Variants in BAIAP3 observed in about 807,000 individuals in gnomAD.
BAIAP3 encodes the protein BAI1-associated protein 3.
In BAIAP3, 180 loss-of-function variants were observed where a neutral mutation model predicts 149.7. The observed-to-expected ratio is 1.20, with a 90% CI of 1.07 to 1.36. The LOEUF (loss-of-function observed/expected upper bound fraction) is 1.36, where lower values mean the gene tolerates loss of function less well. BAIAP3 is among the 40% of genes most tolerant of loss of function. BAIAP3 has a pLI of 0.00. For synonymous variants in BAIAP3, 845 were observed against 670.7 expected, an observed-to-expected ratio of 1.26 and a Z score of -4.02; for missense variants, 1,767 against 1,563.4, an observed-to-expected ratio of 1.13 and a Z score of -2.20.
Position 1,334,242 on chromosome 16 carries a change from T to G in BAIAP3, c.-11+493T>G, listed in dbSNP as rs543383342. Among the ~76,000 whole-genome samples, 25 of 151,630 alleles carry G rather than the reference T, an allele frequency of 1.6e-4. 1 individual carries two copies. In the South Asian group the frequency reaches 5.2e-3, roughly 31 times the overall value. ...TTAGTCCCCCCGAAATCCCTGCGAG[T>G]GCAAAGCGGCCCCTCCTTCAGCCCC... On this transcript the variant is annotated intron_variant, in intron 1 of 33. Coordinates refer to ENST00000426824, the MANE Select transcript of BAIAP3 (RefSeq NM_001199097.2).
At position 1,344,621 on chromosome 16, in the gene BAIAP3, T is replaced by G; in HGVS notation, c.1680T>G (p.Pro560=). The part of the protein sequence containing the change: ...PREQPGPQRL[P]GLVVLADAVY... Reference sequence around the variant, plus strand: ...TGCAGCCAGGACCACAGCGCCTGCCTGGGCTGGTTGTGCTGGCTGACGCCG... The same window carrying G: ...TGCAGCCAGGACCACAGCGCCTGCCGGGGCTGGTTGTGCTGGCTGACGCCG... Residue 560 remains proline, a synonymous_variant, in exon 19 of 34, where the codon CCT becomes CCG. Coordinates refer to ENST00000426824, the MANE Select transcript of BAIAP3 (RefSeq NM_001199097.2). 6.2e-7 allele frequency: 1 copy of G among 1,613,310 alleles called. No homozygotes were observed. Among genetic ancestry groups the G allele is most frequent in the Non-Finnish European group, 8.5e-7 (1 of 1,180,018 alleles).
At position 1,347,287 on chromosome 16, in the gene BAIAP3, C is replaced by A. The variant is rs983816816; in HGVS notation, c.2752-11C>A. 6.2e-7 allele frequency: 1 copy of A among 1,612,496 alleles called. No homozygotes were observed. The highest frequency in any genetic ancestry group is 1.7e-5 in the Admixed American group (1 of 59,988). On this transcript the variant is annotated splice_polypyrimidine_tract_variant and intron_variant, in intron 28 of 33. Coordinates refer to ENST00000426824, the MANE Select transcript of BAIAP3 (RefSeq NM_001199097.2). ...GCTCCCTGACACCTCTGCCTTCTTT[C>A]CCTGCCCCAGGCCCTGGTCAGTTTT...
chr16:1,342,859 A>G (rs2034019096), intron 13 of BAIAP3, 45 bp downstream of exon 13: 2 of 1,612,178 alleles, frequency 1.2e-6, no homozygotes, highest in Non-Finnish European at 1.7e-6. Flanking sequence ...AGGGGGCCTG[A>G]GGAGGGGATG....
intron 14 of BAIAP3, 170 bp from the exon 15 acceptor site, chr16:1,343,223 T>G: frequency 8.6e-7 from 1 of 1,165,656 alleles, no homozygotes; most frequent in Non-Finnish European, 1.2e-6. Context: ...GGCGGTGCCA[T>G]GAGTAGGTAC....
chr16:1,337,402 C>T (rs1245812291), intron 1 of BAIAP3, among the ~76,000 whole-genome samples: 1 of 152,220 alleles, frequency 6.6e-6, no homozygotes, highest in East Asian at 1.9e-4. Context: ...CCTGTAATCC[C>T]AGTTACTTGG....
At position 1,347,508 on chromosome 16, in the gene BAIAP3, C is replaced by A. The variant is rs752315584; in HGVS notation, c.2824-37C>A. On this transcript the variant is annotated intron_variant, in intron 29 of 33. Transcript: ENST00000426824. The stretch of plus-strand genomic sequence containing the variant: ...TCCAAGTGCCAGCGCTGACCACCAG[C>A]ACCCAGGGGCCCCTCCTGATGCGCT... 2.7e-6 allele frequency: 4 copies of A among 1,484,598 alleles called. No individual in the cohort carries two copies. In the African/African-American group the frequency reaches 5.3e-5, roughly 20 times the overall value. The allele number at this position is 1,484,598 out of a possible 1,614,324, so 92.0% of individuals were successfully genotyped here.
chr16:1,348,649 G>T lies in BAIAP3; in HGVS notation c.*167G>T, dbSNP rs1003687959. On this transcript the variant is annotated 3_prime_UTR_variant, in exon 34 of 34. Transcript: ENST00000426824. The stretch of plus-strand genomic sequence containing the variant: ...GGCGCCTACCGCCCTGGCCGTGTCT[G>T]TCTGGTGTGTGCTGTGAACCCCTGC... 1.4e-6 allele frequency: 1 copy of T among 690,718 alleles called. No individual in the cohort carries two copies. Among genetic ancestry groups the T allele is most frequent in the South Asian group, 1.8e-5 (1 of 55,356 alleles). The allele number at this position is 690,718 out of a possible 1,614,324, so 42.8% of individuals were successfully genotyped here.
chr16:1,336,209 G>A, intron 1 of BAIAP3: 2 of 985,290 alleles, frequency 2.0e-6, no homozygotes, highest in Non-Finnish European at 2.4e-6. Flanking sequence ...TGGCTTCGGG[G>A]GACAGCAGGG....
At chr16:1,346,405 GC>G in intron 25 of BAIAP3, 36 bp from the exon 26 acceptor site, 1 of 1,611,674 alleles carries the variant, frequency 6.2e-7, no homozygotes, top group South Asian at 1.1e-5. Flanking sequence ...AGTCCCTGGT[GC>G]CCCCTGCCCG....
Position 1,348,853 on chromosome 16 carries a change from C to A in BAIAP3, c.*371C>A. 2.6e-6 allele frequency: 1 copy of A among 380,086 alleles called. No individual in the cohort carries two copies. Among genetic ancestry groups the A allele is most frequent in the Admixed American group, 4.2e-5 (1 of 23,940 alleles). The allele number at this position is 380,086 out of a possible 1,614,324, so 23.5% of individuals were successfully genotyped here. ...TCCAGGGACTCAGTGAGTGGCTGTGCTCTCTGCACAACGGGCAATGTGCAG... is the reference window on the plus strand; with the variant it reads ...TCCAGGGACTCAGTGAGTGGCTGTGATCTCTGCACAACGGGCAATGTGCAG... On this transcript the variant is annotated 3_prime_UTR_variant, in exon 34 of 34. Coordinates refer to ENST00000426824, the MANE Select transcript of BAIAP3 (RefSeq NM_001199097.2).
chr16:1,339,120 G>T (rs751748256), intron 3 of BAIAP3, 44 bp from the exon 4 acceptor site: 5 of 1,572,976 alleles, frequency 3.2e-6, no homozygotes, highest in Admixed American at 1.9e-5. Flanking sequence ...CAGGCCTGGG[G>T]CTCTCCCTGC....
In BAIAP3 at chr16:1,348,461, G is replaced by A. The variant is rs201226650; in HGVS notation, c.3438G>A (p.Lys1146=). The change falls in exon 34 of 34, where the codon AAG becomes AAA. Residue 1146 remains lysine (K), a synonymous_variant. Transcript: ENST00000426824. ...TGAAGAAACTCAAGGAGCTGGAGAA[G>A]TGCATGGAGGCGGACCCCTGAGTCC... is the stretch of plus-strand genomic sequence containing the variant. ...EFVKKLKELE[K]CMEADP The A allele has an allele frequency of 6.2e-7, 1 of 1,611,364 alleles. No individual in the cohort carries two copies. Among genetic ancestry groups the A allele is most frequent in the East Asian group, 2.2e-5 (1 of 44,830 alleles).
intron 1 of BAIAP3, among the ~76,000 whole-genome samples, chr16:1,335,938 G>A (rs2033422708): frequency 6.6e-6 from 1 of 152,208 alleles, no homozygotes; most frequent in African/African-American, 2.4e-5. Context: ...TGAGATGCAG[G>A]GAGCAAAGGG....
At chr16:1,338,780 G>A in intron 2 of BAIAP3, 100 bp downstream of exon 2, 1 of 1,576,384 alleles carries the variant, frequency 6.3e-7, no homozygotes, top group African/African-American at 1.3e-5. Context: ...GCGGGAAGGA[G>A]GGTCTGCAGT....
chr16:1,341,959 A>AGCTGGACCTGGCTGCGG, intron 9 of BAIAP3, 27 bp from the exon 10 acceptor site: 2 of 1,584,038 alleles, frequency 1.3e-6, no homozygotes, highest in Non-Finnish European at 1.7e-6. Context: ...GCTCCAGACA[A>AGCTGGACCTGGCTGCGG]GCCAGGTCCT....
rs2034597601 is a variant in BAIAP3 at position 1,349,365 on chromosome 16, G to C, written c.*883G>C. The C allele has an allele frequency of 1.3e-6, 2 of 1,564,166 alleles. No homozygotes were observed. Among genetic ancestry groups the C allele is most frequent in the Non-Finnish European group, 8.8e-7 (1 of 1,135,628 alleles). ...CAGCCGCAAAGAGCCGAGGCTGCCAGGCCCATTTATGTCCCTCATGTCTCT... is the reference window on the plus strand; with the variant it reads ...CAGCCGCAAAGAGCCGAGGCTGCCACGCCCATTTATGTCCCTCATGTCTCT... On this transcript the variant is annotated 3_prime_UTR_variant, in exon 34 of 34. Transcript: ENST00000426824.
At chr16:1,346,121 G>GCCATCACCTCCT in intron 24 of BAIAP3, 43 bp downstream of exon 24, 1 of 1,605,124 alleles carries the variant, frequency 6.2e-7, no homozygotes, top group Non-Finnish European at 8.5e-7. Flanking sequence ...GAGGTGGGGG[G>GCCATCACCTCCT]CCATCACCAG....
In BAIAP3 at chr16:1,347,585, G is replaced by A. The variant is rs377365128; in HGVS notation, c.2864G>A (p.Arg955His). Residue 955 changes from arginine to histidine, a missense_variant, in exon 30 of 34, where the codon CGC (arginine) becomes CAC (histidine). By Grantham distance (29) the Arg-to-His change is conservative. Transcript: ENST00000426824. ...EELRLHKCST[R>H]ECIEQFYLDK... The stretch of plus-strand genomic sequence containing the variant: ...CTGCGGCTGCACAAATGTTCCACCC[G>A]CGAGTGCATCGAGCAGTTCTACCTG... 3.7e-6 allele frequency: 6 copies of A among 1,612,830 alleles called. No homozygotes were observed. The highest frequency in any genetic ancestry group is 2.2e-5 in the East Asian group (1 of 44,876).
rs1182684367 is a variant in BAIAP3 at position 1,347,926 on chromosome 16, G to A, written c.3058G>A (p.Gly1020Ser). The A allele has an allele frequency of 6.2e-7, 1 of 1,611,986 alleles. No homozygotes were observed. Among genetic ancestry groups the A allele is most frequent in the Non-Finnish European group, 8.5e-7 (1 of 1,179,936 alleles). Reference sequence around the variant, plus strand: ...TGACCCCTTTGTGATCGTGGAGCTGGGCCCACCGCATCTCTTTCCACTGGT... The same window carrying A: ...TGACCCCTTTGTGATCGTGGAGCTGAGCCCACCGCATCTCTTTCCACTGGT... Reference protein sequence around the residue: ...LSDPFVIVELGPPHLFPLVRS... With the variant: ...LSDPFVIVELSPPHLFPLVRS... Residue 1020 changes from glycine (G) to serine (S), a missense_variant, in exon 32 of 34, where the codon GGC (glycine) becomes AGC (serine). Physicochemically the swap from Gly to Ser is moderately conservative, Grantham distance 56. Transcript: ENST00000426824.
Sources: gnomAD v4.1 joint callset for allele counts (sites outside exome capture counted in the v4.1 genomes callset) on GRCh38, gnomAD v4.1.1 for gene constraint, MANE v1.5 for transcripts, NCBI Gene and HGNC (gene_info 2026-07-23, HGNC 2026-07-21) for gene names.